ADAMTS12: variants seen among roughly 807,000 people sequenced by gnomAD.
ADAMTS12 encodes A disintegrin and metalloproteinase with thrombospondin motifs 12.
Under a neutral mutation model 167.8 loss-of-function variants are expected in ADAMTS12, and 118 were observed. That is an observed-to-expected ratio of 0.70 (90% CI 0.61 to 0.82). The LOEUF (loss-of-function observed/expected upper bound fraction) is 0.82. Among genes scored for constraint, ADAMTS12 ranks in the 40% least tolerant of loss-of-function variants. The probability of loss-of-function intolerance (pLI) is 0.00; values close to 1 mark genes in which losing one functional copy is unlikely to be tolerated. For synonymous variants in ADAMTS12, 704 were observed against 716.9 expected (o/e 0.98, Z 0.29); for missense variants, 1,916 against 1,998.8 (o/e 0.96, Z 0.79).
At chr5:33,891,634 C>G in intron 1 of ADAMTS12, 96 bp downstream of exon 1, 46 of 1,564,476 alleles carry the variant, frequency 2.9e-5, no homozygotes, top group Non-Finnish European at 3.8e-5. Context: ...TTTCAGAGTT[C>G]AGTTCTGCCG....
intron 2 of ADAMTS12, among the ~76,000 whole-genome samples, chr5:33,767,298 T>A (rs1378938549): frequency 6.6e-6 from 1 of 152,354 alleles, no homozygotes; most frequent in African/African-American, 2.4e-5. Context: ...CTCTCTTCTA[T>A]ACTTTCAGTA....
chr5:33,711,987 G>C lies in ADAMTS12; in HGVS notation c.635-27932C>G, dbSNP rs576646306. On this transcript the variant is annotated intron_variant, in intron 3 of 23. Transcript: ENST00000504830. ...TGAAGGCAGGATAGAATGATGTTTG[G>C]GCACAGTTCCAAAGCCAAATTAGTA... Among the ~76,000 whole-genome samples, 124 of 152,182 alleles carry C rather than the reference G, an allele frequency of 8.1e-4. 1 individual carries two copies. The South Asian group carries it at 0.01, about 13-fold the overall frequency.
rs1747490559 is a variant in ADAMTS12 at position 33,588,788 on chromosome 5, T to C, written c.2676A>G (p.Glu892=). Reference sequence around the variant, plus strand: ...GGGGCCCGCATGTCGCCGAGCATGCTTCCCACTCCCCTGCCCACCACCTGC... The same window carrying C: ...GGGGCCCGCATGTCGCCGAGCATGCCTCCCACTCCCCTGCCCACCACCTGC... The part of the protein sequence containing the change: ...CPPRWWAGEW[E]ACSATCGPHG... Residue 892 remains glutamate (E), a synonymous_variant, in exon 18 of 24, where the codon GAA becomes GAG. Coordinates refer to ENST00000504830, the MANE Select transcript of ADAMTS12 (RefSeq NM_030955.4). 6.2e-7 allele frequency: 1 copy of C among 1,613,586 alleles called. No homozygotes were observed. Among genetic ancestry groups the C allele is most frequent in the African/African-American group, 1.3e-5 (1 of 75,028 alleles).
At chr5:33,536,206 G>A (rs956688798) in intron 22 of ADAMTS12, among the ~76,000 whole-genome samples, 3 of 152,028 alleles carry the variant, frequency 2.0e-5, no homozygotes, top group African/African-American at 7.2e-5. Flanking sequence ...GCACAATCTC[G>A]GCTCACTGCA....
chr5:33,672,889 A>G (rs538329714), intron 5 of ADAMTS12, among the ~76,000 whole-genome samples: 37 of 152,352 alleles, frequency 2.4e-4, no homozygotes, highest in Middle Eastern at 3.4e-3. Flanking sequence ...GAGGGACAGT[A>G]TCTTAGCCAA....
intron 5 of ADAMTS12, among the ~76,000 whole-genome samples, chr5:33,671,512 A>C (rs1741691436): frequency 6.6e-6 from 1 of 152,194 alleles, no homozygotes; most frequent in Admixed American, 6.5e-5. Flanking sequence ...AGAAAAATAC[A>C]AAAACACCTT....
Position 33,549,265 on chromosome 5 carries a change from A to G in ADAMTS12, c.4244T>C (p.Leu1415Ser). 1 of 1,614,018 alleles carries G rather than the reference A, an allele frequency of 6.2e-7. No individual in the cohort carries two copies. Among genetic ancestry groups the G allele is most frequent in the Non-Finnish European group, 8.5e-7 (1 of 1,179,982 alleles). The change falls in exon 21 of 24, where the codon TTG becomes TCG. Residue 1415 changes from leucine to serine, a missense_variant. Coordinates refer to ENST00000504830, the MANE Select transcript of ADAMTS12 (RefSeq NM_030955.4). ...GGGCTCCGGGTTACAGCTCATGCTCAATGGGGGAGGAATGCCGGCCAGGAA... is the reference window on the plus strand; with the variant it reads ...GGGCTCCGGGTTACAGCTCATGCTCGATGGGGGAGGAATGCCGGCCAGGAA... Reference protein sequence around the residue: ...CQFLAGIPPPLSMSCNPEPCE... With the variant: ...CQFLAGIPPPSSMSCNPEPCE...
chr5:33,653,488 G>T (rs938901455), intron 7 of ADAMTS12, among the ~76,000 whole-genome samples: 2 of 151,760 alleles, frequency 1.3e-5, no homozygotes, highest in African/African-American at 4.8e-5. Context: ...CTTTTGCATT[G>T]TCTTTGTCTG....
chr5:33,771,577 G>T (rs554598893), intron 2 of ADAMTS12, among the ~76,000 whole-genome samples: 1 of 151,992 alleles, frequency 6.6e-6, no homozygotes, highest in Non-Finnish European at 1.5e-5. Context: ...AGCAAAAATA[G>T]AATTTGTTTA....
At chr5:33,745,484 T>C (rs1966796) in intron 3 of ADAMTS12, among the ~76,000 whole-genome samples, 131,474 of 152,194 alleles carry the variant, frequency 0.86, 57,005 homozygotes, top group Non-Finnish European at 0.9. Flanking sequence ...CCCTCCCACC[T>C]TAGAATGCCT....
rs540304851 is a variant in ADAMTS12 at position 33,841,149 on chromosome 5, A to C, written c.489+39970T>G. Among the ~76,000 whole-genome samples, 11 of 152,232 alleles carry C rather than the reference A, an allele frequency of 7.2e-5. No individual in the cohort carries two copies. In the South Asian group the frequency reaches 2.1e-3, roughly 29 times the overall value. On this transcript the variant is annotated intron_variant, in intron 2 of 23. Coordinates refer to ENST00000504830, the MANE Select transcript of ADAMTS12 (RefSeq NM_030955.4). ...TCTCTCCCTGAACCCCAGACTGTTC[A>C]ATCAGGCTTCAATAGCCACAGCCCT...
chr5:33,753,011 C>T (rs555324990), intron 2 of ADAMTS12, among the ~76,000 whole-genome samples: 87 of 152,256 alleles, frequency 5.7e-4, no homozygotes, highest in African/African-American at 2.0e-3. Flanking sequence ...ATAATAAGCA[C>T]AATAGAAAAA....
chr5:33,643,286 A>T, intron 10 of ADAMTS12, 92 bp downstream of exon 10: 1 of 1,276,708 alleles, frequency 7.8e-7, no homozygotes, highest in Non-Finnish European at 1.1e-6. Context: ...CTCTTCCCTT[A>T]GAGAGAGTTG....
intron 7 of ADAMTS12, 78 bp downstream of exon 7, chr5:33,658,106 T>G: frequency 6.4e-7 from 1 of 1,551,460 alleles, no homozygotes; most frequent in Non-Finnish European, 8.8e-7. Flanking sequence ...CAATTTGAGG[T>G]GTGTTCACCT....
chr5:33,548,372 TAA>T (rs1220669501), intron 21 of ADAMTS12, among the ~76,000 whole-genome samples: 2 of 152,206 alleles, frequency 1.3e-5, no homozygotes, highest in Non-Finnish European at 2.9e-5. Flanking sequence ...TTTCTCAACC[TAA>T]GTCTCAATTT....
intron 5 of ADAMTS12, among the ~76,000 whole-genome samples, chr5:33,676,228 T>C (rs748839853): frequency 2.0e-5 from 3 of 152,174 alleles, no homozygotes; most frequent in Non-Finnish European, 2.9e-5. Context: ...ACGTGGCTTT[T>C]GTTAAAAATT....
At chr5:33,695,411 A>G (rs572996508) in intron 3 of ADAMTS12, among the ~76,000 whole-genome samples, 1 of 152,356 alleles carries the variant, frequency 6.6e-6, no homozygotes, top group South Asian at 2.1e-4. Context: ...GAGAGAGATC[A>G]GTAAATCGTG....
intron 9 of ADAMTS12, among the ~76,000 whole-genome samples, chr5:33,646,155 G>A (rs544590910): frequency 6.6e-6 from 1 of 151,948 alleles, no homozygotes; most frequent in Non-Finnish European, 1.5e-5. Context: ...AGATAACTTG[G>A]GTGTCCTGTT....
Position 33,891,946 on chromosome 5 carries a change from G to A in ADAMTS12, c.-90C>T, listed in dbSNP as rs1230322742. On this transcript the variant is annotated 5_prime_UTR_variant, in exon 1 of 24. Coordinates refer to ENST00000504830, the MANE Select transcript of ADAMTS12 (RefSeq NM_030955.4). ...CTCGCCTGTGGCCCAGCAGGAAGATGCAGGGGTGCATGGTCAGGCGCGAGA... is the reference window on the plus strand; with the variant it reads ...CTCGCCTGTGGCCCAGCAGGAAGATACAGGGGTGCATGGTCAGGCGCGAGA... 2 of 1,516,502 alleles carry A rather than the reference G, an allele frequency of 1.3e-6. No homozygotes were observed. Among genetic ancestry groups the A allele is most frequent in the Non-Finnish European group, 1.8e-6 (2 of 1,125,064 alleles). The allele number at this position is 1,516,502 out of a possible 1,614,324, so 93.9% of individuals were successfully genotyped here.
Sources: allele counts gnomAD v4.1 joint callset (sites outside exome capture counted in the v4.1 genomes callset), GRCh38; gene constraint gnomAD v4.1.1; transcripts MANE v1.5; gene names NCBI Gene and HGNC (gene_info 2026-07-23, HGNC 2026-07-21).